Variants in BNIP3 observed in about 807,000 individuals in gnomAD.
BNIP3 encodes the protein BCL2/adenovirus E1B 19 kDa protein-interacting protein 3.
A neutral mutation model predicts 23.9 loss-of-function variants in BNIP3; 16 were observed. That is an observed-to-expected ratio of 0.67 (90% CI 0.45 to 1.01). The LOEUF (loss-of-function observed/expected upper bound fraction) is 1.01. Among genes scored for constraint, BNIP3 ranks in the 50% least tolerant of loss-of-function variants. BNIP3 has a pLI of 0.00. For synonymous variants in BNIP3, 81 were observed against 89.3 expected (o/e 0.91, Z 0.53); for missense variants, 198 against 248.7 (o/e 0.80, Z 1.37).
rs1255661700 is a variant in BNIP3, at chr10:131,981,709, C to T, written c.46+52G>A. 23 of 1,456,256 alleles carry T rather than the reference C, an allele frequency of 1.6e-5. No homozygotes were observed. The Admixed American group carries it at 5.7e-4, about 36-fold the overall frequency. The allele number at this position is 1,456,256 out of a possible 1,614,324, so 90.2% of individuals were successfully genotyped here. A position where few individuals can be genotyped will look rare whatever the true frequency, so the allele number is the denominator to read the frequency against. ...CCCTTGGCGCCCTCTTGGCCTTCCC[C>T]AGGCTTCCCCCCCGCGCCCCCTCGG... On this transcript the variant is annotated intron_variant, in intron 1 of 5. Transcript: ENST00000368636.
chr10:131,972,039 C>CTG (rs3087296), intron 3 of BNIP3, among the ~76,000 whole-genome samples: 106,211 of 151,976 alleles, frequency 0.7, 37,771 homozygotes, highest in African/African-American at 0.84. Flanking sequence ...CAAGAAAACA[C>CTG]ATCGCGCATC....
chr10:131,980,418 G>A (rs2037110838), intron 1 of BNIP3: 1 of 152,082 alleles, frequency 6.6e-6, no homozygotes, highest in Non-Finnish European at 1.5e-5. Flanking sequence ...TAAATTTCAA[G>A]AGGAAAAATC....
At position 131,970,261 on chromosome 10, in the gene BNIP3, ACT is replaced by A; in HGVS notation, c.539+375_539+376del. The A allele has an allele frequency of 4.4e-6, 1 of 227,620 alleles. No homozygotes were observed. 14.1% of individuals were successfully genotyped at this position (227,620 alleles called of 1,614,324 possible). A position where few individuals can be genotyped will look rare whatever the true frequency, so the allele number is the denominator to read the frequency against. On this transcript the variant is annotated intron_variant, in intron 5 of 5. Coordinates refer to ENST00000368636, the MANE Select transcript of BNIP3 (RefSeq NM_004052.4). The surrounding 1 kb of genome is among the most constrained non-coding windows in gnomAD (Gnocchi z 4.1). Reference sequence around the variant, plus strand: ...CTGTCTGGAGGAAGTACAGCAGGTAACTGAGACCCTCCACCTACAGCAGAGCT... The same window carrying A: ...CTGTCTGGAGGAAGTACAGCAGGTAAGAGACCCTCCACCTACAGCAGAGCT...
At position 131,970,873 on chromosome 10, in the gene BNIP3, A is replaced by C. The variant is rs758214120; in HGVS notation, c.380T>G (p.Ile127Ser). 30 of 1,614,098 alleles carry C rather than the reference A, an allele frequency of 1.9e-5. No individual in the cohort carries two copies. The East Asian group carries it at 6.5e-4, about 35-fold the overall frequency. Residue 127 changes from isoleucine (I) to serine (S), a missense_variant, in exon 4 of 6, where the codon ATT becomes AGT. Transcript: ENST00000368636. This position sits in a 1 kb window ranked among gnomAD's most constrained non-coding sequence, Gnocchi z 4.1. Reference sequence around the variant, plus strand: ...CTGAGAACACACTCACTTGGGGGGAATATTTTCCGGCCGACTTGACCAATC... The same window carrying C: ...CTGAGAACACACTCACTTGGGGGGACTATTTTCCGGCCGACTTGACCAATC... ...IWDWSSRPEN[I>S]PPKEFLFKHP... is the part of the protein sequence containing the mutation.
Position 131,970,821 on chromosome 10 carries a change from C to T in BNIP3, c.390-34G>A. 1 of 1,614,226 alleles carries T rather than the reference C, an allele frequency of 6.2e-7. No individual in the cohort carries two copies. Reference sequence around the variant, plus strand: ...GGAAGAAACGTGTCAGCTGATGTGTCCTCTGTCAAGGGGTGCCCCCGTGAC... The same window carrying T: ...GGAAGAAACGTGTCAGCTGATGTGTTCTCTGTCAAGGGGTGCCCCCGTGAC... On this transcript the variant is annotated intron_variant, in intron 4 of 5. Coordinates refer to ENST00000368636, the MANE Select transcript of BNIP3 (RefSeq NM_004052.4). This position sits in a 1 kb window ranked among gnomAD's most constrained non-coding sequence, Gnocchi z 4.1.
intron 1 of BNIP3, among the ~76,000 whole-genome samples, chr10:131,977,428 A>T (rs994428411): frequency 6.6e-6 from 1 of 152,216 alleles, no homozygotes; most frequent in Non-Finnish European, 1.5e-5. Flanking sequence ...AGACAAGTGT[A>T]TCTCTGTCAT....
intron 2 of BNIP3, chr10:131,973,508 C>T (rs1271534580): frequency 1.4e-5 from 7 of 504,442 alleles, no homozygotes; most frequent in East Asian, 1.3e-4. Flanking sequence ...ACCACAGCCC[C>T]GCTGAGGCGC....
Position 131,973,019 on chromosome 10 carries a change from C to A in BNIP3, c.282+15G>T. ...ACAAATACTTTTACAACTGCACATT[C>A]TCCTTCCAGCTTACCTGTGAGCTGT... On this transcript the variant is annotated intron_variant, in intron 3 of 5. Transcript: ENST00000368636. 1 of 1,605,822 alleles carries A rather than the reference C, an allele frequency of 6.2e-7. No individual in the cohort carries two copies. Among genetic ancestry groups the A allele is most frequent in the Non-Finnish European group, 8.5e-7 (1 of 1,172,530 alleles).
At chr10:131,973,487 C>T in intron 2 of BNIP3, 1 of 480,644 alleles carries the variant, frequency 2.1e-6, no homozygotes, top group South Asian at 2.7e-5. Flanking sequence ...CCAGGGACCG[C>T]TCCTCCTGCG....
Position 131,973,777 on chromosome 10 carries a change from G to C in BNIP3, c.197+16C>G, listed in dbSNP as rs890959905. On this transcript the variant is annotated intron_variant, in intron 2 of 5. Coordinates refer to ENST00000368636, the MANE Select transcript of BNIP3 (RefSeq NM_004052.4). ...CATCGGCACTGTAACACATACACTT[G>C]TTGATGCGCGCCTACCTGTCACAGT... 1 of 1,611,740 alleles carries C rather than the reference G, an allele frequency of 6.2e-7. No individual in the cohort carries two copies.
Position 131,970,366 on chromosome 10 carries a change from G to A in BNIP3, c.539+272C>T, listed in dbSNP as rs879596324. 7 of 518,254 alleles carry A rather than the reference G, an allele frequency of 1.4e-5. No homozygotes were observed. The highest frequency in any genetic ancestry group is 3.8e-5 in the African/African-American group (2 of 52,226). 32.1% of individuals were successfully genotyped at this position (518,254 alleles called of 1,614,324 possible). On this transcript the variant is annotated intron_variant, in intron 5 of 5. Coordinates refer to ENST00000368636, the MANE Select transcript of BNIP3 (RefSeq NM_004052.4). This position sits in a 1 kb window ranked among gnomAD's most constrained non-coding sequence, Gnocchi z 4.1. ...CACAGGACAAAGAGGTCAGACCTAA[G>A]AAGCCCTGCTTTGACTCCGTTTATA... is the stretch of plus-strand genomic sequence containing the variant.
chr10:131,968,654 GT>G, intron 5 of BNIP3, 85 bp from the exon 6 acceptor site: 1 of 1,246,402 alleles, frequency 8.0e-7, no homozygotes, highest in Non-Finnish European at 1.2e-6. Flanking sequence ...GCTCACTGTG[GT>G]TAGAGCTTAT....
chr10:131,968,749 AT>A, intron 5 of BNIP3, 180 bp from the exon 6 acceptor site: 1 of 533,866 alleles, frequency 1.9e-6, no homozygotes, highest in South Asian at 2.4e-5. Context: ...TTTTATCAAT[AT>A]GTATTTTGTA....
intron 2 of BNIP3, 62 bp from the exon 3 acceptor site, chr10:131,973,180 C>T (rs2037053365): frequency 1.9e-5 from 29 of 1,557,644 alleles, no homozygotes; most frequent in Non-Finnish European, 2.5e-5. Flanking sequence ...TCATTAGAAG[C>T]TCAAACCCCA....
chr10:131,974,695 G>A (rs150428592), intron 1 of BNIP3, among the ~76,000 whole-genome samples: 3 of 152,306 alleles, frequency 2.0e-5, no homozygotes, highest in East Asian at 1.9e-4. Context: ...GACTTGCATC[G>A]TGTGGCTTAC....
rs2036985805 is a variant in BNIP3, at chr10:131,967,879, AGG to A, written c.*643_*644del. ...GCCTTCAGCAGAAAACTGATCATCC[AGG>A]GTGATCACCTAATAATCGGAGACTT... is the stretch of plus-strand genomic sequence containing the variant. On this transcript the variant is annotated 3_prime_UTR_variant, in exon 6 of 6. Coordinates refer to ENST00000368636, the MANE Select transcript of BNIP3 (RefSeq NM_004052.4). 1 of 152,290 alleles carries A rather than the reference AGG, an allele frequency of 6.6e-6. No individual in the cohort carries two copies. Among genetic ancestry groups the A allele is most frequent in the African/African-American group, 2.4e-5 (1 of 41,470 alleles). 9.4% of individuals were successfully genotyped at this position (152,290 alleles called of 1,614,324 possible).
At chr10:131,969,799 G>T (rs1243282553) in intron 5 of BNIP3, 1 of 152,238 alleles carries the variant, frequency 6.6e-6, no homozygotes, top group Admixed American at 6.5e-5. Flanking sequence ...TTGGCTTCCC[G>T]CTCTGGCTCT....
chr10:131,970,684 A>T lies in BNIP3; in HGVS notation c.493T>A (p.Phe165Ile). The change falls in exon 5 of 6, where the codon TTC (phenylalanine) becomes ATC (isoleucine). Residue 165 changes from phenylalanine (F) to isoleucine (I), a missense_variant. By Grantham distance (21) the Phe-to-Ile change is conservative. Transcript: ENST00000368636. The surrounding 1 kb of genome is among the most constrained non-coding windows in gnomAD (Gnocchi z 4.1). ...TGAGAGAGCAGCAGAGATGGAAGGA[A>T]AACTTTCAGAAATTCTGCAGAGAAT... ...GIFSAEFLKV[F>I]LPSLLLSHLL... 1 of 1,614,206 alleles carries T rather than the reference A, an allele frequency of 6.2e-7. No homozygotes were observed. The highest frequency in any genetic ancestry group is 8.5e-7 in the Non-Finnish European group (1 of 1,180,030).
At position 131,976,050 on chromosome 10, in the gene BNIP3, C is replaced by G. The variant is rs148558487; in HGVS notation, c.47-2107G>C. ...TGCCAAGTACTCTGATGTTCACTAG[C>G]CCTCCTTCCCTCTCTGCGGTTCAAG... is the stretch of plus-strand genomic sequence containing the variant. On this transcript the variant is annotated intron_variant, in intron 1 of 5. Coordinates refer to ENST00000368636, the MANE Select transcript of BNIP3 (RefSeq NM_004052.4). The surrounding 1 kb of genome is among the most constrained non-coding windows in gnomAD (Gnocchi z 4.3). 4.6e-3 allele frequency among the ~76,000 whole-genome samples: 705 copies of G among 152,314 alleles called. 5 individuals are homozygous for G. Among genetic ancestry groups the G allele is most frequent in the African/African-American group, 0.016 (674 of 41,562 alleles).
Sources: allele counts gnomAD v4.1 joint callset (sites outside exome capture counted in the v4.1 genomes callset), GRCh38; gene constraint gnomAD v4.1.1; non-coding constraint Gnocchi (gnomAD v3.1); transcripts MANE v1.5; gene names NCBI Gene and HGNC (gene_info 2026-07-23, HGNC 2026-07-21).